The following CEP290 variants were observed in gnomAD, a reference collection of about 807,000 sequenced individuals.
CEP290 encodes centrosomal protein of 290 kDa.
In CEP290, 317 loss-of-function variants were observed where a neutral mutation model predicts 344.9. The observed-to-expected ratio is 0.92, with a 90% CI of 0.84 to 1.01. CEP290 has a LOEUF of 1.01. Among genes scored for constraint, CEP290 ranks in the 50% least tolerant of loss-of-function variants. The probability of loss-of-function intolerance (pLI) is 0.00; values close to 1 mark genes in which losing one functional copy is unlikely to be tolerated. For missense variants in CEP290, 2,754 were observed against 2,761.4 expected (o/e 1.00, Z 0.06); for synonymous variants, 932 against 895.8 (o/e 1.04, Z -0.72).
intron 37 of CEP290, among the ~76,000 whole-genome samples, chr12:88,080,938 A>C (rs1451543810): frequency 6.6e-6 from 1 of 152,238 alleles, no homozygotes; most frequent in African/African-American, 2.4e-5. Context: ...TTTTGGCAAC[A>C]ATCTTATCAA....
intron 23 of CEP290, among the ~76,000 whole-genome samples, chr12:88,108,070 G>A (rs1247938129): frequency 6.6e-6 from 1 of 151,862 alleles, no homozygotes; most frequent in African/African-American, 2.4e-5. Context: ...ACACCATGTT[G>A]TATACCATAA....
chr12:88,094,054 G>T, intron 27 of CEP290, 79 bp from the exon 28 acceptor site: 3 of 1,084,606 alleles, frequency 2.8e-6, no homozygotes, highest in Non-Finnish European at 3.9e-6. Flanking sequence ...CTGTATATTA[G>T]AAAGCATTAT....
intron 26 of CEP290, among the ~76,000 whole-genome samples, chr12:88,098,679 A>T (rs1350781198): frequency 6.6e-6 from 1 of 152,152 alleles, no homozygotes; most frequent in African/African-American, 2.4e-5. Context: ...AATAGAAAGG[A>T]ACATTTAGAT....
At position 88,111,792 on chromosome 12, in the gene CEP290, G is replaced by C. The variant is rs1242888498; in HGVS notation, c.2119C>G (p.Gln707Glu). ...ASLHLKAQVD[Q>E]LTGRNEELRQ... The stretch of plus-strand genomic sequence containing the variant: ...AATTCTTCATTTCTTCCGGTAAGCT[G>C]ATCAACTTGGGCTTTCAAATGCAGA... The change falls in exon 21 of 54, where the codon CAG becomes GAG. Residue 707 changes from glutamine to glutamate, a missense_variant. Gln to Glu is a conservative substitution (Grantham distance 29). Coordinates refer to ENST00000552810, the MANE Select transcript of CEP290 (RefSeq NM_025114.4). 6.2e-7 allele frequency: 1 copy of C among 1,606,838 alleles called. No individual in the cohort carries two copies. The highest frequency in any genetic ancestry group is 8.5e-7 in the Non-Finnish European group (1 of 1,176,936).
In CEP290 at chr12:88,084,633, C is replaced by T; in HGVS notation, c.4657G>A (p.Glu1553Lys). ...ANMQARLNQKEEVLKKYQRLL... is the reference protein window; with the variant it reads ...ANMQARLNQKKEVLKKYQRLL... ...CGTTGATACTTCTTTAATACTTCTT[C>T]TTTTTGATTTAACCTTGCTTGCATG... The change falls in exon 35 of 54, where the codon GAA (glutamate) becomes AAA (lysine). Residue 1553 changes from glutamate to lysine, a missense_variant. Coordinates refer to ENST00000552810, the MANE Select transcript of CEP290 (RefSeq NM_025114.4). 1.2e-6 allele frequency: 2 copies of T among 1,613,178 alleles called. No individual in the cohort carries two copies. The highest frequency in any genetic ancestry group is 2.2e-5 in the East Asian group (1 of 44,846).
At chr12:88,068,032 A>G (rs1302244776) in intron 44 of CEP290, among the ~76,000 whole-genome samples, 2 of 152,212 alleles carry the variant, frequency 1.3e-5, no homozygotes, top group African/African-American at 4.8e-5. Context: ...TAGTTGTGTC[A>G]CACACCTGAT....
At chr12:88,066,245 G>C (rs577268481) in intron 44 of CEP290, among the ~76,000 whole-genome samples, 1 of 152,256 alleles carries the variant, frequency 6.6e-6, no homozygotes, top group African/African-American at 2.4e-5. Context: ...AAAGTAGTAC[G>C]TACATAAAAA....
At chr12:88,077,948 A>C in intron 39 of CEP290, 30 bp from the exon 40 acceptor site, 1 of 944,728 alleles carries the variant, frequency 1.1e-6, no homozygotes, top group South Asian at 1.7e-5. Context: ...GGTATTATTC[A>C]TGACTCTTCA....
chr12:88,130,793 C>T (rs1211489330), intron 7 of CEP290, among the ~76,000 whole-genome samples: 3 of 151,884 alleles, frequency 2.0e-5, no homozygotes, highest in East Asian at 1.9e-4. Context: ...CATTATTTGG[C>T]TCAGTAGAAC....
chr12:88,050,190 AT>A, intron 53 of CEP290, 163 bp downstream of exon 53: 1 of 506,028 alleles, frequency 2.0e-6, no homozygotes, highest in East Asian at 3.5e-5. Context: ...GTTAACTCTA[AT>A]ATGTTAGGAA....
At position 88,096,953 on chromosome 12, in the gene CEP290, T is replaced by C; in HGVS notation, c.3038A>G (p.Glu1013Gly). The change falls in exon 27 of 54, where the codon GAA becomes GGA. Residue 1013 changes from glutamate to glycine, a missense_variant. Physicochemically the swap from Glu to Gly is moderately conservative, Grantham distance 98. Coordinates refer to ENST00000552810, the MANE Select transcript of CEP290 (RefSeq NM_025114.4). ...LKEQVESINK[E>G]LEITKEKLHT... The stretch of plus-strand genomic sequence containing the variant: ...AAGTTTTTCCTTGGTAATCTCCAGT[T>C]CTTTATTTATAGACTCCACTTGTTC... The C allele has an allele frequency of 6.3e-7, 1 of 1,578,686 alleles. No homozygotes were observed. The highest frequency in any genetic ancestry group is 8.6e-7 in the Non-Finnish European group (1 of 1,159,874).
At chr12:88,083,635 C>T (rs185670141) in intron 36 of CEP290, among the ~76,000 whole-genome samples, 37 of 152,254 alleles carry the variant, frequency 2.4e-4, no homozygotes, top group African/African-American at 8.4e-4. Flanking sequence ...CAGGTAGGTT[C>T]ATAGCAGATT....
rs61940997 is a variant in CEP290 at position 88,053,643 on chromosome 12, A to G, written c.7129+9T>C. ...GGGGGTAGCTAACATGTTTTTTAAA[A>G]TACATTACCAGGTATGGTGCTTTCA... On this transcript the variant is annotated intron_variant, in intron 52 of 53. Coordinates refer to ENST00000552810, the MANE Select transcript of CEP290 (RefSeq NM_025114.4). 7.0e-7 allele frequency: 1 copy of G among 1,430,268 alleles called. No individual in the cohort carries two copies. The highest frequency in any genetic ancestry group is 2.4e-5 in the East Asian group (1 of 40,826). 88.6% of individuals were successfully genotyped at this position (1,430,268 alleles called of 1,614,324 possible).
chr12:88,117,897 G>A (rs775006316), intron 17 of CEP290, among the ~76,000 whole-genome samples: 22 of 151,860 alleles, frequency 1.4e-4, no homozygotes, highest in African/African-American at 1.9e-4. Context: ...TAAGTCAGGC[G>A]TGGTGGCTCA....
At position 88,056,976 on chromosome 12, in the gene CEP290, T is replaced by C. The variant is rs150667146; in HGVS notation, c.6819-1259A>G. ...GTCAAGAGATTTCTACTTAGACTTA[T>C]GTCTTCTGCAATGTCTTCTGCAAAT... is the stretch of plus-strand genomic sequence containing the variant. On this transcript the variant is annotated intron_variant, in intron 49 of 53. Transcript: ENST00000552810. Among the ~76,000 whole-genome samples, 9 of 152,202 alleles carry C rather than the reference T, an allele frequency of 5.9e-5. No individual in the cohort carries two copies. In the East Asian group the frequency reaches 7.7e-4, roughly 13 times the overall value.
chr12:88,130,715 C>A, intron 7 of CEP290, 150 bp from the exon 8 acceptor site: 1 of 541,212 alleles, frequency 1.8e-6, no homozygotes, highest in Non-Finnish European at 3.1e-6. Context: ...TAATTATCTA[C>A]CAAAACAAAT....
rs748251474 is a variant in CEP290, at chr12:88,121,147, T to C, written c.1209A>G (p.Gln403=). Residue 403 remains glutamine (Q), a synonymous_variant, in exon 14 of 54, where the codon CAA becomes CAG. Coordinates refer to ENST00000552810, the MANE Select transcript of CEP290 (RefSeq NM_025114.4). ...TTGACTGAATTTTCATATGAGTCTG[T>C]TGAGAAAGGGTTGAAGCACCTACAG... ...QRNKGASTLS[Q]QTHMKIQSTL... 6.2e-7 allele frequency: 1 copy of C among 1,613,002 alleles called. No homozygotes were observed. The highest frequency in any genetic ancestry group is 8.5e-7 in the Non-Finnish European group (1 of 1,179,516).
chr12:88,079,773 C>CT (rs1202296259), intron 38 of CEP290, among the ~76,000 whole-genome samples: 1 of 152,072 alleles, frequency 6.6e-6, no homozygotes, highest in Non-Finnish European at 1.5e-5. Flanking sequence ...CTATGACCCC[C>CT]TTTTTTCATC....
Position 88,116,973 on chromosome 12 carries a change from CA to C in CEP290, c.1824+59del, listed in dbSNP as rs890305929. Reference sequence around the variant, plus strand: ...TGGGAGACAGAGCGAGACTCCGTCTCAAAAAAAAAAAAAAAAAAAAATATTT... The same window carrying C: ...TGGGAGACAGAGCGAGACTCCGTCTCAAAAAAAAAAAAAAAAAAAATATTT... On this transcript the variant is annotated intron_variant, in intron 18 of 53. Transcript: ENST00000552810. The C allele has an allele frequency of 0.23, 122,003 of 530,088 alleles. 29 individuals carry two copies. The highest frequency in any genetic ancestry group is 0.25 in the East Asian group (5,218 of 21,114). The allele number at this position is 530,088 out of a possible 1,614,324, so 32.8% of individuals were successfully genotyped here.
Sources: allele counts gnomAD v4.1 joint callset (sites outside exome capture counted in the v4.1 genomes callset), GRCh38; gene constraint gnomAD v4.1.1; transcripts MANE v1.5; gene names NCBI Gene and HGNC (gene_info 2026-07-23, HGNC 2026-07-21).